The following MBNL1 variants were observed in gnomAD, a reference collection of about 807,000 sequenced individuals.
MBNL1 encodes muscleblind like splicing regulator 1, also known as muscleblind-like protein 1.
A neutral mutation model predicts 42.2 loss-of-function variants in MBNL1; 8 were observed. That is an observed-to-expected ratio of 0.19 (90% CI 0.11 to 0.34). The LOEUF (loss-of-function observed/expected upper bound fraction) is 0.34, where lower values mean the gene tolerates loss of function less well. MBNL1 is among the 10% of genes least tolerant of loss of function. MBNL1 has a pLI of 1.00. For missense variants in MBNL1, 309 were observed against 495.3 expected, an observed-to-expected ratio of 0.62 and a Z score of 3.57; for synonymous variants, 169 against 173.9, an observed-to-expected ratio of 0.97 and a Z score of 0.22.
At chr3:152,251,675 C>G (rs2034562584) in intron 2 of MBNL1, among the ~76,000 whole-genome samples, 1 of 151,944 alleles carries the variant, frequency 6.6e-6, no homozygotes, top group African/African-American at 2.4e-5. Flanking sequence ...CGGTTATACA[C>G]TTTCTGCTGG....
chr3:152,429,677 C>T (rs962830119), intron 3 of MBNL1, among the ~76,000 whole-genome samples: 2 of 152,138 alleles, frequency 1.3e-5, no homozygotes, highest in African/African-American at 4.8e-5. Context: ...AGGGCACTCT[C>T]TGATGGGGCT....
chr3:152,370,213 A>G (rs1220993123), intron 2 of MBNL1, among the ~76,000 whole-genome samples: 1 of 152,028 alleles, frequency 6.6e-6, no homozygotes, highest in Non-Finnish European at 1.5e-5. Context: ...GTGTGTTCTC[A>G]TTGGTTTCAA....
chr3:152,457,073 A>G (rs1735137958), intron 8 of MBNL1, among the ~76,000 whole-genome samples: 1 of 152,182 alleles, frequency 6.6e-6, no homozygotes, highest in African/African-American at 2.4e-5. Context: ...TTTAAGTGAA[A>G]GGGATTTGTT....
chr3:152,277,159 T>C (rs1052239321), intron 1 of MBNL1, among the ~76,000 whole-genome samples: 1 of 152,182 alleles, frequency 6.6e-6, no homozygotes, highest in Non-Finnish European at 1.5e-5. Flanking sequence ...AGAAGATACA[T>C]GTTAATTTCT....
At chr3:152,413,132 A>G (rs543984441) in intron 2 of MBNL1, among the ~76,000 whole-genome samples, 1 of 152,258 alleles carries the variant, frequency 6.6e-6, no homozygotes, top group South Asian at 2.1e-4. Context: ...GTTGTTTTGT[A>G]TCAAGACACT....
At chr3:152,305,661 C>G (rs1273346514) in intron 2 of MBNL1, among the ~76,000 whole-genome samples, 1 of 151,964 alleles carries the variant, frequency 6.6e-6, no homozygotes, top group East Asian at 1.9e-4. Context: ...TAGCATGTAG[C>G]AACTTAAGTA....
intron 1 of MBNL1, among the ~76,000 whole-genome samples, chr3:152,286,547 TATAA>T (rs1203281482): frequency 1.4e-5 from 2 of 144,666 alleles, no homozygotes; most frequent in Non-Finnish European, 3.0e-5. Context: ...TTATTTATAA[TATAA>T]ATATTTATAT....
intron 1 of MBNL1, among the ~76,000 whole-genome samples, chr3:152,272,865 A>G (rs748040256): frequency 1.4e-4 from 22 of 152,188 alleles, no homozygotes; most frequent in Non-Finnish European, 2.6e-4. Flanking sequence ...ACTGAAGTAC[A>G]TTTTGCCATT....
At chr3:152,280,824 A>G (rs2048008615) in intron 1 of MBNL1, among the ~76,000 whole-genome samples, 1 of 152,140 alleles carries the variant, frequency 6.6e-6, no homozygotes, top group South Asian at 2.1e-4. Context: ...TGTTGTTTCC[A>G]AGATTTAATC....
Position 152,293,951 on chromosome 3 carries a change from G to T in MBNL1, c.-789-5454G>T, listed in dbSNP as rs549571153. Among the ~76,000 whole-genome samples the T allele has an allele frequency of 2.7e-5, 4 of 150,598 alleles. No homozygotes were observed. The East Asian group carries it at 7.7e-4, about 29-fold the overall frequency. On this transcript the variant is annotated intron_variant, in intron 1 of 9. Coordinates refer to ENST00000324210, the MANE Select transcript of MBNL1 (RefSeq NM_021038.5). ...GTGACTCTTAAATAGGCATTCATAT[G>T]AAGCCATATATATATATATGTAATT...
intron 1 of MBNL1, among the ~76,000 whole-genome samples, chr3:152,275,649 A>G (rs1331317276): frequency 7.1e-6 from 1 of 140,660 alleles, no homozygotes; most frequent in South Asian, 2.4e-4. Context: ...CGGAGGTTGC[A>G]GTGAGCTGAG....
intron 2 of MBNL1, chr3:152,338,259 A>G (rs1442100927): frequency 1.0e-6 from 1 of 985,170 alleles, no homozygotes; most frequent in Non-Finnish European, 1.2e-6. Flanking sequence ...TTCAAGCACT[A>G]CCTGAGCTCT....
chr3:152,397,314 C>T (rs1025112276), intron 2 of MBNL1, among the ~76,000 whole-genome samples: 2 of 152,050 alleles, frequency 1.3e-5, no homozygotes, highest in African/African-American at 2.4e-5. Context: ...CCCATCAACC[C>T]GTCACCTACA....
In MBNL1 at chr3:152,248,766, C is replaced by T. The variant is rs544360733; in HGVS notation, n.333+4326C>T. 1.8e-3 allele frequency among the ~76,000 whole-genome samples: 274 copies of T among 151,986 alleles called. 1 individual carries two copies. The highest frequency in any genetic ancestry group is 2.8e-3 in the Non-Finnish European group (189 of 67,946). ...ATATCTCCTAATGCTATCCCTCCCC[C>T]CTTCCCCCACCCCACAACAGTCCCC... On this transcript the variant is annotated intron_variant and non_coding_transcript_variant, in intron 2 of 2. Transcript: ENST00000477171.
Position 152,399,404 on chromosome 3 carries a change from A to G in MBNL1, c.175-15537A>G, listed in dbSNP as rs562229586. Among the ~76,000 whole-genome samples the G allele has an allele frequency of 6.6e-4, 101 of 152,322 alleles. 1 individual carries two copies. Among genetic ancestry groups the G allele is most frequent in the African/African-American group, 2.2e-3 (93 of 41,568 alleles). ...TGCTTTCTCTTTTGCATCTATGTCT[A>G]CACATACTGTATTTCTGACCTAGAT... is the stretch of plus-strand genomic sequence containing the variant. On this transcript the variant is annotated intron_variant, in intron 2 of 9. Coordinates refer to ENST00000324210, the MANE Select transcript of MBNL1 (RefSeq NM_021038.5).
chr3:152,455,725 T>A, intron 7 of MBNL1, 148 bp downstream of exon 7: 1 of 698,966 alleles, frequency 1.4e-6, no homozygotes, highest in Non-Finnish European at 2.5e-6. Context: ...ATTTTCTGTT[T>A]AATTGACATG....
chr3:152,342,566 AC>A (rs1297501528), intron 2 of MBNL1, among the ~76,000 whole-genome samples: 4 of 130,506 alleles, frequency 3.1e-5, no homozygotes, highest in African/African-American at 1.0e-4. Context: ...ACACACACAC[AC>A]ACACACACAC....
intron 2 of MBNL1, among the ~76,000 whole-genome samples, chr3:152,382,886 G>A (rs572949045): frequency 2.0e-5 from 3 of 152,006 alleles, no homozygotes; most frequent in Non-Finnish European, 4.4e-5. Context: ...ATATCACTCC[G>A]TACTTATTGG....
chr3:152,266,654 G>A (rs536699609), upstream of MBNL1: 1 of 152,372 alleles, frequency 6.6e-6, no homozygotes, highest in Admixed American at 6.5e-5. Flanking sequence ...TGCAAAGTTT[G>A]CTCTACTAAG....
Sources: gnomAD v4.1 joint callset for allele counts (sites outside exome capture counted in the v4.1 genomes callset) on GRCh38, gnomAD v4.1.1 for gene constraint, MANE v1.5 for transcripts, NCBI Gene and HGNC (gene_info 2026-07-23, HGNC 2026-07-21) for gene names.